Variants in AMDHD1 observed in about 807,000 individuals in gnomAD.
The protein encoded by AMDHD1 is probable imidazolonepropionase.
A neutral mutation model predicts 44.1 loss-of-function variants in AMDHD1; 45 were observed. The ratio of observed to expected loss-of-function variants is 1.02; its 90% CI spans 0.80 to 1.31. The LOEUF is 1.31. AMDHD1 is among the 50% of genes most tolerant of loss of function. The probability of loss-of-function intolerance (pLI) is 0.00; values close to 1 mark genes in which losing one functional copy is unlikely to be tolerated. For missense variants in AMDHD1, 586 were observed against 552.1 expected (o/e 1.06, Z -0.61); for synonymous variants, 206 against 205.0 (o/e 1.00, Z -0.04).
At chr12:95,964,438 A>T (rs2136770714) in intron 6 of AMDHD1, among the ~76,000 whole-genome samples, 1 of 152,252 alleles carries the variant, frequency 6.6e-6, no homozygotes, top group South Asian at 2.1e-4. Context: ...TTCAGGAAAT[A>T]TTCACCTTGG....
At chr12:95,964,928 C>CAAAAAAAGAAAAA (rs2080601456) in intron 6 of AMDHD1, among the ~76,000 whole-genome samples, 1 of 35,832 alleles carries the variant, frequency 2.8e-5, no homozygotes, top group African/African-American at 1.4e-4. Context: ...ATGTTTGAGG[C>CAAAAAAAGAAAAA]AAAAAAAAAA....
chr12:95,959,124 A>G (rs11108353), intron 4 of AMDHD1, among the ~76,000 whole-genome samples: 70,347 of 152,016 alleles, frequency 0.46, 17,059 homozygotes, highest in African/African-American at 0.59. Flanking sequence ...CCTGTCTCTC[A>G]TAGTCCACCT....
At chr12:95,959,539 G>T (rs1360135706) in intron 4 of AMDHD1, among the ~76,000 whole-genome samples, 3 of 151,452 alleles carry the variant, frequency 2.0e-5, no homozygotes, top group African/African-American at 7.3e-5. Flanking sequence ...CTCCCCAGTT[G>T]CTGGGATTAT....
intron 3 of AMDHD1, among the ~76,000 whole-genome samples, chr12:95,956,094 T>TTTTGC (rs1459596082): frequency 6.6e-6 from 1 of 151,498 alleles, no homozygotes; most frequent in Admixed American, 6.6e-5. Context: ...CCTGTGCCAG[T>TTTTGC]TTTGTTTTGT....
Position 95,943,448 on chromosome 12 carries a change from T to C in AMDHD1, c.50T>C (p.Leu17Pro), listed in dbSNP as rs2136754603. Residue 17 changes from leucine to proline, a missense_variant, in exon 1 of 9, where the codon CTG (leucine) becomes CCG (proline). Leu to Pro is a moderately conservative substitution (Grantham distance 98). Transcript: ENST00000266736. ...CTGGAGAACGCGCAGCAAGTGGTGCTGGTGTGCGCCCGCGGCGAGCGCTTC... is the reference window on the plus strand; with the variant it reads ...CTGGAGAACGCGCAGCAAGTGGTGCCGGTGTGCGCCCGCGGCGAGCGCTTC... ...LLLENAQQVVLVCARGERFLA... is the reference protein window; with the variant it reads ...LLLENAQQVVPVCARGERFLA... 4 of 1,505,942 alleles carry C rather than the reference T, an allele frequency of 2.7e-6. No individual in the cohort carries two copies. In the African/African-American group the frequency reaches 4.3e-5, roughly 16 times the overall value. 93.3% of individuals were successfully genotyped at this position (1,505,942 alleles called of 1,614,324 possible). A position where few individuals can be genotyped will look rare whatever the true frequency, so the allele number is the denominator to read the frequency against.
chr12:95,957,032 A>G (rs2080555557), intron 4 of AMDHD1, 70 bp downstream of exon 4: 2 of 1,582,238 alleles, frequency 1.3e-6, no homozygotes. Context: ...GTGGAGGCGC[A>G]TTAGCACTTT....
intron 2 of AMDHD1, among the ~76,000 whole-genome samples, chr12:95,953,499 C>A (rs1389387457): frequency 1.3e-5 from 2 of 151,220 alleles, no homozygotes; most frequent in African/African-American, 4.8e-5. Context: ...AAAAGGGCTT[C>A]ATATTTATAT....
At chr12:95,964,928 C>CAAAAAAAAA (rs60076877) in intron 6 of AMDHD1, among the ~76,000 whole-genome samples, 6,576 of 35,684 alleles carry the variant, frequency 0.18, 1,942 homozygotes, top group Admixed American at 0.24. Flanking sequence ...ATGTTTGAGG[C>CAAAAAAAAA]AAAAAAAAAA....
rs2080586821 is a variant in AMDHD1 at position 95,962,384 on chromosome 12, C to T, written c.843C>T (p.Ile281=). The part of the protein sequence containing the change: ...ELGAELGAQA[I]SHLEEVSDEG... ...GGGCTGAACTGGGAGCGCAGGCAAT[C>T]AGCCACCTGGAAGAAGTGAGTGATG... is the stretch of plus-strand genomic sequence containing the variant. Residue 281 remains isoleucine (I), a synonymous_variant, in exon 6 of 9, where the codon ATC becomes ATT. Transcript: ENST00000266736. 6.2e-7 allele frequency: 1 copy of T among 1,613,892 alleles called. No individual in the cohort carries two copies. The highest frequency in any genetic ancestry group is 2.2e-5 in the East Asian group (1 of 44,862).
intron 5 of AMDHD1, 108 bp from the exon 6 acceptor site, chr12:95,962,247 G>C (rs1038603533): frequency 1.4e-6 from 2 of 1,469,126 alleles, no homozygotes; most frequent in Non-Finnish European, 1.8e-6. Flanking sequence ...CCTGGCTACA[G>C]AGCAAGACTC....
At chr12:95,965,213 C>T (rs10859993) in intron 6 of AMDHD1, among the ~76,000 whole-genome samples, 104,222 of 149,992 alleles carry the variant, frequency 0.69, 36,606 homozygotes, top group East Asian at 0.94. Context: ...GCAGGAGAAT[C>T]GCTTGAACCC....
Position 95,951,796 on chromosome 12 carries a change from C to T in AMDHD1, c.138-921C>T, listed in dbSNP as rs186935440. Among the ~76,000 whole-genome samples, 14 of 152,286 alleles carry T rather than the reference C, an allele frequency of 9.2e-5. No individual in the cohort carries two copies. The East Asian group carries it at 2.7e-3, about 29-fold the overall frequency. On this transcript the variant is annotated intron_variant, in intron 1 of 8. Transcript: ENST00000266736. ...CATTTTAACTGGGGTAAGATGATCT[C>T]TCATTGTGGTTTTGTTTGCATTTCT...
chr12:95,964,476 C>T (rs2080598640), intron 6 of AMDHD1, among the ~76,000 whole-genome samples: 1 of 152,096 alleles, frequency 6.6e-6, no homozygotes. Context: ...AATACTTTTA[C>T]AGCCTCACTT....
chr12:95,943,604 A>C (rs2080477024), intron 1 of AMDHD1, 69 bp downstream of exon 1: 1 of 1,371,934 alleles, frequency 7.3e-7, no homozygotes, highest in Non-Finnish European at 9.4e-7. Flanking sequence ...CTCACTGTGC[A>C]CTCTGGAGGG....
chr12:95,957,044 G>A (rs2080555717), intron 4 of AMDHD1, 82 bp downstream of exon 4: 1 of 1,556,788 alleles, frequency 6.4e-7, no homozygotes, highest in East Asian at 2.2e-5. Flanking sequence ...TAGCACTTTA[G>A]CTCTTGCAGG....
At chr12:95,947,667 T>G (rs1435521018) in intron 1 of AMDHD1, among the ~76,000 whole-genome samples, 30 of 30,388 alleles carry the variant, frequency 9.9e-4, no homozygotes, top group African/African-American at 1.8e-3. Context: ...GTCCGGGAGG[T>G]GAGGGGCGCC....
chr12:95,956,465 G>T (rs966074213), intron 3 of AMDHD1, among the ~76,000 whole-genome samples: 2 of 152,102 alleles, frequency 1.3e-5, no homozygotes, highest in African/African-American at 2.4e-5. Flanking sequence ...TACCACTCCA[G>T]TCTCTTCCCA....
intron 7 of AMDHD1, 139 bp from the exon 8 acceptor site, chr12:95,966,209 T>TTTTTTTTTTATG (rs1214897087): frequency 1.1e-6 from 1 of 872,126 alleles, no homozygotes; most frequent in Non-Finnish European, 1.7e-6. Flanking sequence ...ATGTATAAAC[T>TTTTTTTTTTATG]TAGATTTTTC....
At chr12:95,949,140 T>TAAAAAAAAAAAAAAAAAAATAAA (rs1170844527) in intron 1 of AMDHD1, among the ~76,000 whole-genome samples, 1 of 4,462 alleles carries the variant, frequency 2.2e-4, no homozygotes, top group African/African-American at 1.8e-3. Context: ...AAAAATAAAT[T>TAAAAAAAAAAAAAAAAAAATAAA]AAAAAAAAAA....
Sources: allele counts gnomAD v4.1 joint callset (sites outside exome capture counted in the v4.1 genomes callset), GRCh38; gene constraint gnomAD v4.1.1; transcripts MANE v1.5; gene names NCBI Gene and HGNC (gene_info 2026-07-23, HGNC 2026-07-21).